POLA2: variants seen among roughly 807,000 people sequenced by gnomAD.
The protein encoded by POLA2 is DNA polymerase alpha subunit B.
In POLA2, 47 loss-of-function variants were observed where a neutral mutation model predicts 82.8. The ratio of observed to expected loss-of-function variants is 0.57; its 90% CI spans 0.45 to 0.72. The LOEUF is 0.72. POLA2 is among the 30% of genes least tolerant of loss of function. The probability of loss-of-function intolerance (pLI) is 0.00; values close to 1 mark genes in which losing one functional copy is unlikely to be tolerated. For missense variants in POLA2, 634 were observed against 728.1 expected (o/e 0.87, Z 1.49); for synonymous variants, 287 against 286.8 (o/e 1.00, Z -0.01).
chr11:65,291,632 G>A lies in POLA2; in HGVS notation c.1244+1760G>A, dbSNP rs2137578846. On this transcript the variant is annotated intron_variant, in intron 13 of 17. Transcript: ENST00000265465. ...GTTCTTTTGTCAGCCCTTGGGGATA[G>A]GCAGGGACTGTGTTGTAGTGCCCTA... Among the ~76,000 whole-genome samples the A allele has an allele frequency of 1.3e-5, 2 of 152,370 alleles. 1 individual carries two copies. The highest frequency in any genetic ancestry group is 6.8e-3 in the Middle Eastern group (2 of 294).
intron 4 of POLA2, among the ~76,000 whole-genome samples, chr11:65,273,980 T>G (rs1285041473): frequency 6.6e-6 from 1 of 152,222 alleles, no homozygotes; most frequent in Non-Finnish European, 1.5e-5. Flanking sequence ...CAGCATTACT[T>G]GTAATCACTG....
rs200106919 is a variant in POLA2, at chr11:65,279,589, A to G, written c.707A>G (p.Lys236Arg). The G allele has an allele frequency of 1.4e-4, 234 of 1,613,856 alleles. 4 individuals are homozygous for G. In the South Asian group the frequency reaches 2.4e-3, roughly 16 times the overall value. ...ELGSELKEHY[K>R]IEAFTPLLAP... ...GGCAGCGAACTCAAGGAACATTACA[A>G]GATTGAAGCTTTCACTCCTTTGCTA... Residue 236 changes from lysine (K) to arginine (R), a missense_variant, in exon 7 of 18, where the codon AAG (lysine) becomes AGG (arginine). Physicochemically the swap from Lys to Arg is conservative, Grantham distance 26. Coordinates refer to ENST00000265465, the MANE Select transcript of POLA2 (RefSeq NM_002689.4).
intron 10 of POLA2, among the ~76,000 whole-genome samples, chr11:65,285,189 C>T (rs549837250): frequency 1.3e-5 from 2 of 151,966 alleles, no homozygotes; most frequent in South Asian, 2.1e-4. Flanking sequence ...GCGGATCACA[C>T]GGTCAGGAGA....
Position 65,294,262 on chromosome 11 carries a change from G to C in POLA2, c.1353+1G>C. 1 of 1,611,446 alleles carries C rather than the reference G, an allele frequency of 6.2e-7. No homozygotes were observed. Among genetic ancestry groups the C allele is most frequent in the Non-Finnish European group, 8.5e-7 (1 of 1,177,532 alleles). ...CGATCTGTCTCGAGAGGACAAAAAG[G>C]TAGCAGCACCCACTCCTTGACCAGC... On this transcript the variant is annotated splice_donor_variant, in intron 14 of 17. Coordinates refer to ENST00000265465, the MANE Select transcript of POLA2 (RefSeq NM_002689.4). LOFTEE classifies it high-confidence loss of function.
At chr11:65,264,025 T>C (rs1350608169) in intron 1 of POLA2, among the ~76,000 whole-genome samples, 1 of 152,180 alleles carries the variant, frequency 6.6e-6, no homozygotes, top group Non-Finnish European at 1.5e-5. Context: ...CAGTGGCACC[T>C]TAATGTTTCC....
downstream of POLA2, among the ~76,000 whole-genome samples, chr11:65,303,342 CA>C (rs917292541): frequency 0.02 from 1,007 of 51,624 alleles, 4 homozygotes; most frequent in African/African-American, 0.034. Flanking sequence ...ACTCTGTCTC[CA>C]AAAAAAAAAA....
chr11:65,275,678 C>G (rs946447658), intron 4 of POLA2, among the ~76,000 whole-genome samples: 5 of 152,130 alleles, frequency 3.3e-5, no homozygotes. Flanking sequence ...TAATTGCCTT[C>G]AAAATAGGGA....
At chr11:65,280,941 AG>A in intron 7 of POLA2, 50 bp from the exon 8 acceptor site, 1 of 1,578,312 alleles carries the variant, frequency 6.3e-7, no homozygotes, top group Non-Finnish European at 8.6e-7. Flanking sequence ...TCAGATTTTG[AG>A]CTCCTGCTCC....
chr11:65,304,604 C>T (rs976013616), intron 8 of POLA2, among the ~76,000 whole-genome samples: 7 of 152,160 alleles, frequency 4.6e-5, no homozygotes, highest in South Asian at 4.1e-4. Context: ...CACAAGGTGA[C>T]CCAACATCAA....
chr11:65,275,561 T>C (rs979466157), intron 4 of POLA2, among the ~76,000 whole-genome samples: 8 of 152,172 alleles, frequency 5.3e-5, no homozygotes, highest in African/African-American at 1.9e-4. Flanking sequence ...GTAAAACTCA[T>C]ATCTGTTTGA....
At chr11:65,270,675 A>T (rs1271949587) in intron 4 of POLA2, among the ~76,000 whole-genome samples, 1 of 152,062 alleles carries the variant, frequency 6.6e-6, no homozygotes, top group Admixed American at 6.6e-5. Context: ...ATCCCTCTCC[A>T]GGATCTGGCC....
At chr11:65,280,636 A>G in intron 7 of POLA2, 1 of 239,034 alleles carries the variant, frequency 4.2e-6, no homozygotes, top group Non-Finnish European at 8.3e-6. Context: ...AAGAAATGTT[A>G]GCTATTATTA....
chr11:65,275,602 T>C (rs1343816376), intron 4 of POLA2, among the ~76,000 whole-genome samples: 1 of 152,192 alleles, frequency 6.6e-6, no homozygotes, highest in Non-Finnish European at 1.5e-5. Context: ...AAAGTAAACA[T>C]ATGAAGGATT....
At chr11:65,269,814 T>C (rs1291563812) in intron 4 of POLA2, among the ~76,000 whole-genome samples, 1 of 152,128 alleles carries the variant, frequency 6.6e-6, no homozygotes, top group Non-Finnish European at 1.5e-5. Context: ...TATTCAGTAA[T>C]AGTAATTATT....
rs764188468 is a variant in POLA2 at position 65,278,736 on chromosome 11, T to C, written c.468T>C (p.Thr156=). 6.8e-6 allele frequency: 11 copies of C among 1,613,090 alleles called. No homozygotes were observed. The highest frequency in any genetic ancestry group is 7.6e-6 in the Non-Finnish European group (9 of 1,179,614). The change falls in exon 6 of 18, where the codon ACT becomes ACC. Residue 156 remains threonine, a synonymous_variant. Coordinates refer to ENST00000265465, the MANE Select transcript of POLA2 (RefSeq NM_002689.4). The stretch of plus-strand genomic sequence containing the variant: ...CTGTTTTGCTTCCAATTAGTGCTAC[T>C]CCCTCCCAGAAATACAACTCACGAA... ...LSPSSFSPSA[T]PSQKYNSRSN... is the part of the protein sequence containing the mutation.
intron 7 of POLA2, 43 bp from the exon 8 acceptor site, chr11:65,280,949 C>T (rs372593093): frequency 2.7e-5 from 43 of 1,595,404 alleles, no homozygotes; most frequent in Non-Finnish European, 3.6e-5. Flanking sequence ...TGAGCTCCTG[C>T]TCCAAAGACT....
At chr11:65,305,545 G>A (rs374736403) in exon 9 of POLA2, 5 of 379,358 alleles carry the variant, frequency 1.3e-5, no homozygotes, top group South Asian at 5.9e-5. Flanking sequence ...ACGGTGGTGC[G>A]TGCCTGTAGT....
In POLA2 at chr11:65,278,777, T is replaced by G. The variant is rs777051096; in HGVS notation, c.509T>G (p.Val170Gly). ...AACTCACGAAGTAACCGAGGAGAAG[T>G]GGTTACCTCCTTCGGCTTAGCACAG... ...KYNSRSNRGE[V>G]VTSFGLAQGV... Residue 170 changes from valine to glycine, a missense_variant, in exon 6 of 18, where the codon GTG (valine) becomes GGG (glycine). Physicochemically the swap from Val to Gly is moderately radical, Grantham distance 109. Coordinates refer to ENST00000265465, the MANE Select transcript of POLA2 (RefSeq NM_002689.4). 25 of 1,613,644 alleles carry G rather than the reference T, an allele frequency of 1.5e-5. No individual in the cohort carries two copies.
At chr11:65,295,335 A>T (rs750303738) in intron 15 of POLA2, among the ~76,000 whole-genome samples, 8 of 151,966 alleles carry the variant, frequency 5.3e-5, no homozygotes, top group Non-Finnish European at 1.0e-4. Context: ...TCCCTTCTCA[A>T]CCTGGTGTCC....
Sources: gnomAD v4.1 joint callset for allele counts (sites outside exome capture counted in the v4.1 genomes callset) on GRCh38, gnomAD v4.1.1 for gene constraint, MANE v1.5 for transcripts, NCBI Gene and HGNC (gene_info 2026-07-23, HGNC 2026-07-21) for gene names.